The following SOX6 variants were observed in gnomAD, a reference collection of about 807,000 sequenced individuals.
SOX6 encodes SRY-box transcription factor 6.
In SOX6, 11 loss-of-function variants were observed where a neutral mutation model predicts 97.8. The ratio of observed to expected loss-of-function variants is 0.11; its 90% confidence interval spans 0.07 to 0.19. The LOEUF (loss-of-function observed/expected upper bound fraction) is 0.19, where lower values mean the gene tolerates loss of function less well. Ranked by LOEUF, SOX6 falls within the 10% of genes least tolerant of loss-of-function variation. The probability of loss-of-function intolerance (pLI) is 1.00; values close to 1 mark genes in which losing one functional copy is unlikely to be tolerated. For missense variants in SOX6, 810 were observed against 1,039.5 expected (o/e 0.78, Z 3.04); for synonymous variants, 360 against 371.4 (o/e 0.97, Z 0.35).
At chr11:16,274,529 AAAC>A (rs1225886816) in intron 3 of SOX6, among the ~76,000 whole-genome samples, 1 of 152,174 alleles carries the variant, frequency 6.6e-6, no homozygotes, top group African/African-American at 2.4e-5. Context: ...TTTAAAAGAA[AAAC>A]AACAATTATT....
intron 3 of SOX6, among the ~76,000 whole-genome samples, chr11:16,286,512 C>A (rs1014963477): frequency 1.3e-5 from 2 of 152,090 alleles, no homozygotes; most frequent in Non-Finnish European, 2.9e-5. Flanking sequence ...TATGCTCTCT[C>A]TATATAGCAT....
At chr11:16,295,770 A>G (rs1855063639) in intron 3 of SOX6, among the ~76,000 whole-genome samples, 1 of 152,098 alleles carries the variant, frequency 6.6e-6, no homozygotes, top group Non-Finnish European at 1.5e-5. Context: ...CCAGAGCACA[A>G]TGACAGATTT....
intron 13 of SOX6, among the ~76,000 whole-genome samples, chr11:15,992,068 T>C (rs10766292): frequency 0.42 from 64,609 of 152,088 alleles, 14,140 homozygotes; most frequent in East Asian, 0.63. Context: ...TCACATGTAA[T>C]GCTTCCAGAA....
intron 2 of SOX6, among the ~76,000 whole-genome samples, chr11:16,732,710 TG>T (rs1439677482): frequency 6.6e-6 from 1 of 152,040 alleles, no homozygotes; most frequent in Non-Finnish European, 1.5e-5. Flanking sequence ...CCAAAAACAA[TG>T]GCAACAAAAG....
chr11:16,139,711 TACTA>T, intron 6 of SOX6, among the ~76,000 whole-genome samples: 1 of 152,034 alleles, frequency 6.6e-6, no homozygotes, highest in South Asian at 2.1e-4. Context: ...GTGTTGATAT[TACTA>T]TTGGAGTGTA....
intron 4 of SOX6, among the ~76,000 whole-genome samples, chr11:16,206,606 T>A (rs1457575363): frequency 6.6e-6 from 1 of 152,148 alleles, no homozygotes; most frequent in Non-Finnish European, 1.5e-5. Flanking sequence ...ATAGATCAAG[T>A]GAGTTAACGC....
At chr11:16,581,665 C>T (rs753762220) in intron 4 of SOX6, among the ~76,000 whole-genome samples, 1 of 151,936 alleles carries the variant, frequency 6.6e-6, no homozygotes, top group Non-Finnish European at 1.5e-5. Flanking sequence ...TACTAGGCAG[C>T]CATAAAAATG....
At chr11:16,069,958 C>A (rs1027960816) in intron 9 of SOX6, among the ~76,000 whole-genome samples, 1 of 152,058 alleles carries the variant, frequency 6.6e-6, no homozygotes, top group African/African-American at 2.4e-5. Context: ...AGATCGCGAC[C>A]ATCCTTGCTA....
At chr11:16,205,122 G>C (rs764265982) in intron 4 of SOX6, among the ~76,000 whole-genome samples, 6 of 152,010 alleles carry the variant, frequency 3.9e-5, no homozygotes, top group Non-Finnish European at 8.8e-5. Flanking sequence ...TCATCTAATA[G>C]CAGAAGCAAT....
intron 3 of SOX6, among the ~76,000 whole-genome samples, chr11:16,639,342 G>T (rs1261569931): frequency 2.0e-5 from 3 of 152,152 alleles, no homozygotes; most frequent in African/African-American, 7.2e-5. Context: ...TTGAAGTCAG[G>T]TAGCATGATG....
intron 12 of SOX6, among the ~76,000 whole-genome samples, chr11:16,034,564 T>C (rs759322459): frequency 1.3e-5 from 2 of 152,150 alleles, no homozygotes; most frequent in Non-Finnish European, 2.9e-5. Context: ...AAAGAATATA[T>C]AAAGTACATC....
chr11:16,086,565 C>T (rs1203187257), intron 9 of SOX6, among the ~76,000 whole-genome samples: 1 of 152,130 alleles, frequency 6.6e-6, no homozygotes, highest in Non-Finnish European at 1.5e-5. Context: ...TGGCATGCAA[C>T]CTGCTGAACA....
At chr11:16,515,059 C>T (rs1860948249) in intron 4 of SOX6, among the ~76,000 whole-genome samples, 1 of 151,206 alleles carries the variant, frequency 6.6e-6, no homozygotes, top group African/African-American at 2.4e-5. Flanking sequence ...TGGGTATATA[C>T]CCAGTAATGG....
intron 6 of SOX6, among the ~76,000 whole-genome samples, chr11:16,144,871 CA>C (rs1850247769): frequency 6.6e-6 from 1 of 152,104 alleles, no homozygotes; most frequent in Non-Finnish European, 1.5e-5. Context: ...GCCTACCAAT[CA>C]AAAAAAGTCC....
At chr11:16,208,013 C>A (rs745445528) in intron 4 of SOX6, among the ~76,000 whole-genome samples, 2 of 152,060 alleles carry the variant, frequency 1.3e-5, no homozygotes, top group Non-Finnish European at 2.9e-5. Flanking sequence ...TTGCTCAAGG[C>A]TAACTAATTA....
At chr11:16,394,353 G>A (rs978537734) in intron 1 of SOX6, among the ~76,000 whole-genome samples, 1 of 151,808 alleles carries the variant, frequency 6.6e-6, no homozygotes, top group Admixed American at 6.6e-5. Context: ...GACCTCAAGT[G>A]AGACGTTCTA....
At chr11:16,565,378 C>T (rs1001313178) in intron 4 of SOX6, among the ~76,000 whole-genome samples, 1 of 152,036 alleles carries the variant, frequency 6.6e-6, no homozygotes, top group East Asian at 1.9e-4. Context: ...AAGATTAACA[C>T]CAATTCTACG....
At chr11:16,389,997 G>A (rs117412154) in intron 1 of SOX6, among the ~76,000 whole-genome samples, 8,505 of 58,910 alleles carry the variant, frequency 0.14, 4 homozygotes, top group East Asian at 0.23. Flanking sequence ...AAAAAAAAAA[G>A]AAGCTTACTT....
chr11:16,585,889 C>G (rs1381976807), intron 4 of SOX6, among the ~76,000 whole-genome samples: 2 of 151,892 alleles, frequency 1.3e-5, no homozygotes, highest in African/African-American at 2.4e-5. Flanking sequence ...TGCCATGTTT[C>G]CCAGGCTGGT....
Sources: gnomAD v4.1 joint callset for allele counts (sites outside exome capture counted in the v4.1 genomes callset) on GRCh38, gnomAD v4.1.1 for gene constraint, MANE v1.5 for transcripts, NCBI Gene and HGNC (gene_info 2026-07-23, HGNC 2026-07-21) for gene names.